The following GPATCH8 variants were observed in gnomAD, a reference collection of about 807,000 sequenced individuals.
GPATCH8 encodes the protein G-patch domain containing 8.
Under a neutral mutation model 118.3 loss-of-function variants are expected in GPATCH8, and 18 were observed. The observed-to-expected ratio is 0.15, with a 90% CI of 0.11 to 0.23. The LOEUF (loss-of-function observed/expected upper bound fraction) is 0.23, where lower values mean the gene tolerates loss of function less well. Ranked by LOEUF, GPATCH8 falls within the 10% of genes least tolerant of loss-of-function variation. GPATCH8 has a pLI of 1.00. For missense variants in GPATCH8, 1,631 were observed against 1,873.8 expected, an observed-to-expected ratio of 0.87 and a Z score of 2.39; for synonymous variants, 659 against 684.7, an observed-to-expected ratio of 0.96 and a Z score of 0.59.
chr17:44,458,190 G>A (rs2051409769), intron 3 of GPATCH8, among the ~76,000 whole-genome samples: 1 of 150,404 alleles, frequency 6.6e-6, no homozygotes, highest in Non-Finnish European at 1.5e-5. Flanking sequence ...GATCAAGGCT[G>A]CAGTGAGCTA....
chr17:44,437,859 CAATA>C (rs1203392040), intron 3 of GPATCH8, among the ~76,000 whole-genome samples: 1 of 128,454 alleles, frequency 7.8e-6, no homozygotes, highest in African/African-American at 3.0e-5. Context: ...TGTTTTTAAA[CAATA>C]AATAGGGAGA....
At chr17:44,489,753 T>C (rs78965384) in intron 1 of GPATCH8, among the ~76,000 whole-genome samples, 3,147 of 152,256 alleles carry the variant, frequency 0.021, 46 homozygotes, top group Non-Finnish European at 0.035. Flanking sequence ...ATGATGACAA[T>C]GATAGTAGTG....
At chr17:44,416,838 C>T (rs2049704990) in intron 6 of GPATCH8, among the ~76,000 whole-genome samples, 1 of 152,144 alleles carries the variant, frequency 6.6e-6, no homozygotes, top group South Asian at 2.1e-4. Flanking sequence ...TGTTTTAGTT[C>T]TGCTATTTAA....
intron 7 of GPATCH8, among the ~76,000 whole-genome samples, chr17:44,402,476 T>C (rs935263672): frequency 2.0e-5 from 3 of 152,106 alleles, no homozygotes; most frequent in Non-Finnish European, 4.4e-5. Context: ...ATAGGTTTTA[T>C]TTCATTCAAT....
chr17:44,470,582 T>C (rs1224555909), intron 2 of GPATCH8, among the ~76,000 whole-genome samples: 3 of 148,258 alleles, frequency 2.0e-5, no homozygotes, highest in Non-Finnish European at 3.0e-5. Context: ...CTGCAACCTC[T>C]GCCTCCCAGG....
intron 3 of GPATCH8, among the ~76,000 whole-genome samples, chr17:44,455,554 C>T (rs1055617471): frequency 8.5e-4 from 129 of 151,566 alleles, no homozygotes; most frequent in African/African-American, 3.1e-3. Context: ...ATATCTATTT[C>T]ATTAAATGAG....
At chr17:44,417,190 G>A (rs769594926) in intron 6 of GPATCH8, among the ~76,000 whole-genome samples, 2 of 152,114 alleles carry the variant, frequency 1.3e-5, no homozygotes, top group South Asian at 2.1e-4. Flanking sequence ...ATGTTACTGC[G>A]TAATGAAACC....
At chr17:44,454,483 C>T (rs142920695) in intron 3 of GPATCH8, among the ~76,000 whole-genome samples, 16 of 152,296 alleles carry the variant, frequency 1.1e-4, no homozygotes, top group Admixed American at 5.9e-4. Context: ...TTTCATTTAT[C>T]CTTTAAATGT....
At chr17:44,487,613 T>A (rs1968885756) in intron 1 of GPATCH8, among the ~76,000 whole-genome samples, 1 of 152,238 alleles carries the variant, frequency 6.6e-6, no homozygotes, top group South Asian at 2.1e-4. Context: ...CTTGATGGTG[T>A]CTTTTGCAGA....
intron 2 of GPATCH8, among the ~76,000 whole-genome samples, chr17:44,468,804 A>C (rs941932218): frequency 1.3e-5 from 2 of 152,102 alleles, no homozygotes; most frequent in African/African-American, 4.8e-5. Flanking sequence ...TTCTAAAGTC[A>C]ACTTGATATA....
At chr17:44,429,547 C>T (rs542911955) in intron 5 of GPATCH8, among the ~76,000 whole-genome samples, 8 of 152,078 alleles carry the variant, frequency 5.3e-5, no homozygotes, top group South Asian at 2.1e-4. Flanking sequence ...TGGTGGCTCA[C>T]GCCTGTAATC....
intron 2 of GPATCH8, among the ~76,000 whole-genome samples, chr17:44,468,746 T>A (rs1967028653): frequency 1.3e-5 from 2 of 152,004 alleles, no homozygotes; most frequent in Non-Finnish European, 2.9e-5. Flanking sequence ...AAAACTCTGG[T>A]TAACAACAAA....
intron 3 of GPATCH8, among the ~76,000 whole-genome samples, chr17:44,450,841 G>A (rs1028266047): frequency 3.3e-5 from 5 of 152,116 alleles, no homozygotes; most frequent in Admixed American, 6.6e-5. Flanking sequence ...CTATCAGCAA[G>A]TATAGATGCA....
At chr17:44,466,621 C>A (rs2051775394) in intron 2 of GPATCH8, among the ~76,000 whole-genome samples, 1 of 151,982 alleles carries the variant, frequency 6.6e-6, no homozygotes, top group African/African-American at 2.4e-5. Context: ...ACTTTATTAC[C>A]CCCTAAAACA....
chr17:44,408,243 G>A (rs2049305169), intron 6 of GPATCH8, among the ~76,000 whole-genome samples: 1 of 24,574 alleles, frequency 4.1e-5, no homozygotes. Flanking sequence ...GAGTGCAGTG[G>A]TGTGTGATCT....
intron 6 of GPATCH8, among the ~76,000 whole-genome samples, chr17:44,416,375 A>G (rs2049685833): frequency 6.6e-6 from 1 of 152,196 alleles, no homozygotes; most frequent in Non-Finnish European, 1.5e-5. Context: ...TTTACTCCCA[A>G]CATAAGCAGA....
At chr17:44,486,939 T>C (rs1277661879) in intron 1 of GPATCH8, 5 of 152,214 alleles carry the variant, frequency 3.3e-5, no homozygotes, top group Admixed American at 2.6e-4. Flanking sequence ...GCTGAAAGTA[T>C]AGACACAGCA....
chr17:44,449,753 TC>T (rs2051045667), intron 3 of GPATCH8, among the ~76,000 whole-genome samples: 1 of 152,042 alleles, frequency 6.6e-6, no homozygotes, highest in Non-Finnish European at 1.5e-5. Context: ...CCTCAGGTGA[TC>T]CGCCCGCCTC....
At chr17:44,503,131 A>G (rs1437094177) in intron 1 of GPATCH8, among the ~76,000 whole-genome samples, 195 bp downstream of exon 1, 1 of 152,186 alleles carries the variant, frequency 6.6e-6, no homozygotes, top group Non-Finnish European at 1.5e-5. Context: ...TTTCAGGGGT[A>G]AGAGAATGCG....
Sources: gnomAD v4.1 joint callset for allele counts (sites outside exome capture counted in the v4.1 genomes callset) on GRCh38, gnomAD v4.1.1 for gene constraint, MANE v1.5 for transcripts, NCBI Gene and HGNC (gene_info 2026-07-23, HGNC 2026-07-21) for gene names.